Variants in A4GNT observed in about 807,000 individuals in gnomAD.
A4GNT encodes the protein alpha-1,4-N-acetylglucosaminyltransferase.
A4GNT carries 6 observed loss-of-function variants against 8.3 expected under a neutral mutation model. That is an observed-to-expected ratio of 0.72 (90% confidence interval 0.39 to 1.42). The LOEUF is 1.42. Ranked by LOEUF, A4GNT falls within the 40% of genes most tolerant of loss-of-function variation. The pLI is 0.02. For missense variants in A4GNT, 377 were observed against 417.0 expected (o/e 0.90, Z 0.84); for synonymous variants, 157 against 159.8 (o/e 0.98, Z 0.13).
At chr3:138,130,766 T>C (rs2042771096) in intron 2 of A4GNT, 83 bp downstream of exon 2, 2 of 1,480,904 alleles carry the variant, frequency 1.4e-6, no homozygotes, top group Non-Finnish European at 1.8e-6. Context: ...GTGGGTTCTA[T>C]TCCCATCTCC....
At chr3:138,126,386 T>G (rs1210095379) in intron 2 of A4GNT, among the ~76,000 whole-genome samples, 4 of 151,462 alleles carry the variant, frequency 2.6e-5, no homozygotes, top group African/African-American at 9.7e-5. Flanking sequence ...TTTGTTTGTT[T>G]GTTTTTTAAT....
At position 138,132,022 on chromosome 3, in the gene A4GNT, G is replaced by A. The variant is rs1329955704; in HGVS notation, c.-27+190C>T. Among the ~76,000 whole-genome samples, 3 of 152,078 alleles carry A rather than the reference G, an allele frequency of 2.0e-5. No homozygotes were observed. In the South Asian group the frequency reaches 6.2e-4, roughly 32 times the overall value. The stretch of plus-strand genomic sequence containing the variant: ...ATTTCTACTACGAATATTAAAAGAG[G>A]CAAAAGTATCTCTAGGTTCAGAAAA... On this transcript the variant is annotated intron_variant, in intron 1 of 2. Coordinates refer to ENST00000236709, the MANE Select transcript of A4GNT (RefSeq NM_016161.3).
At position 138,124,459 on chromosome 3, in the gene A4GNT, A is replaced by C; in HGVS notation, c.828T>G (p.Asp276Glu). 1 of 1,614,190 alleles carries C rather than the reference A, an allele frequency of 6.2e-7. No individual in the cohort carries two copies. Among genetic ancestry groups the C allele is most frequent in the Non-Finnish European group, 8.5e-7 (1 of 1,180,030 alleles). Residue 276 changes from aspartate to glutamate, a missense_variant, in exon 3 of 3, where the codon GAT (aspartate) becomes GAG (glutamate). Coordinates refer to ENST00000236709, the MANE Select transcript of A4GNT (RefSeq NM_016161.3). The part of the protein sequence containing the change: ...REWRRYYEVW[D>E]TEPSFNVSYA... ...AAGAGACATTGAAGCTTGGCTCTGT[A>C]TCCCACACTTCATAGTAGCGCCTCC...
intron 1 of A4GNT, among the ~76,000 whole-genome samples, chr3:138,131,773 A>G (rs1004638423): frequency 6.6e-6 from 1 of 152,194 alleles, no homozygotes; most frequent in Non-Finnish European, 1.5e-5. Context: ...AATGTGACTA[A>G]CTTTAAGATC....
At position 138,124,754 on chromosome 3, in the gene A4GNT, T is replaced by A; in HGVS notation, c.533A>T (p.Glu178Val). ...TDVISIRPIP[E>V]ENFLAAQASR... The stretch of plus-strand genomic sequence containing the variant: ...AGCCTGCGCAGCCAAAAAGTTCTCC[T>A]CAGGGATGGGCCTGATGGAGATGAC... The change falls in exon 3 of 3, where the codon GAG (glutamate) becomes GTG (valine). Residue 178 changes from glutamate (E) to valine (V), a missense_variant. By Grantham distance (121) the Glu-to-Val change is moderately radical. Coordinates refer to ENST00000236709, the MANE Select transcript of A4GNT (RefSeq NM_016161.3). The A allele has an allele frequency of 1.2e-6, 2 of 1,614,162 alleles. No homozygotes were observed. The highest frequency in any genetic ancestry group is 1.7e-6 in the Non-Finnish European group (2 of 1,180,028).
Position 138,131,001 on chromosome 3 carries a change from A to G in A4GNT, c.256T>C (p.Phe86Leu). 3 of 1,614,164 alleles carry G rather than the reference A, an allele frequency of 1.9e-6. No homozygotes were observed. Among genetic ancestry groups the G allele is most frequent in the Non-Finnish European group, 2.5e-6 (3 of 1,180,014 alleles). ...KIYPEWPVVF[F>L]MKGLTDSTPM... ...GTGGAATCAGTAAGACCCTTCATAA[A>G]GAACACCACAGGCCACTCAGGATAA... Residue 86 changes from phenylalanine (F) to leucine (L), a missense_variant, in exon 2 of 3, where the codon TTT (phenylalanine) becomes CTT (leucine). Phe to Leu is a conservative substitution (Grantham distance 22). Transcript: ENST00000236709.
chr3:138,132,080 A>C (rs1324376224), intron 1 of A4GNT, 132 bp downstream of exon 1: 1 of 152,232 alleles, frequency 6.6e-6, no homozygotes, highest in Non-Finnish European at 1.5e-5. Context: ...CTAAGAAAAA[A>C]AATTAACAAA....
rs1052933001 is a variant in A4GNT at position 138,124,490 on chromosome 3, C to T, written c.797G>A (p.Arg266Gln). Residue 266 changes from arginine (R) to glutamine (Q), a missense_variant, in exon 3 of 3, where the codon CGA becomes CAA. Coordinates refer to ENST00000236709, the MANE Select transcript of A4GNT (RefSeq NM_016161.3). ...HPQRFYPISYREWRRYYEVWD... is the reference protein window; with the variant it reads ...HPQRFYPISYQEWRRYYEVWD... ...CACTTCATAGTAGCGCCTCCACTCT[C>T]GATAGGAGATGGGGTAAAATCTTTG... is the stretch of plus-strand genomic sequence containing the variant. 7 of 1,614,072 alleles carry T rather than the reference C, an allele frequency of 4.3e-6. No homozygotes were observed. In the African/African-American group the frequency reaches 5.3e-5, roughly 12 times the overall value.
chr3:138,130,810 T>C (rs897278832), intron 2 of A4GNT, 39 bp downstream of exon 2: 2 of 1,595,726 alleles, frequency 1.3e-6, no homozygotes, highest in Non-Finnish European at 8.5e-7. Context: ...TACCCATATA[T>C]ACAATTCGTT....
intron 2 of A4GNT, among the ~76,000 whole-genome samples, chr3:138,129,216 C>T (rs1000455624): frequency 6.6e-6 from 1 of 152,150 alleles, no homozygotes; most frequent in African/African-American, 2.4e-5. Flanking sequence ...GTCCTAATTC[C>T]TGGAACCTGT....
Position 138,124,136 on chromosome 3 carries a change from A to G in A4GNT, c.*128T>C, listed in dbSNP as rs2042729998. ...TTTCTATTACAGACAGAGAAAGCTA[A>G]TCCTAACTGACATTTGAGAGGCAAC... On this transcript the variant is annotated 3_prime_UTR_variant, in exon 3 of 3. Coordinates refer to ENST00000236709, the MANE Select transcript of A4GNT (RefSeq NM_016161.3). 1.5e-6 allele frequency: 2 copies of G among 1,292,082 alleles called. No individual in the cohort carries two copies. The highest frequency in any genetic ancestry group is 4.7e-5 in the East Asian group (2 of 42,914). The allele number at this position is 1,292,082 out of a possible 1,614,324, so 80.0% of individuals were successfully genotyped here. A position where few individuals can be genotyped will look rare whatever the true frequency, so the allele number is the denominator to read the frequency against.
chr3:138,125,028 C>T (rs1329744629), intron 2 of A4GNT, 150 bp from the exon 3 acceptor site: 2 of 990,586 alleles, frequency 2.0e-6, no homozygotes, highest in Non-Finnish European at 2.9e-6. Flanking sequence ...TGCAAGTTTA[C>T]CAAACTTACC....
rs1451588486 is a variant in A4GNT at position 138,123,958 on chromosome 3, T to C, written c.*306A>G. 1.9e-5 allele frequency: 6 copies of C among 322,140 alleles called. No individual in the cohort carries two copies. Among genetic ancestry groups the C allele is most frequent in the African/African-American group, 1.3e-4 (6 of 47,324 alleles). The allele number at this position is 322,140 out of a possible 1,614,324, so 20.0% of individuals were successfully genotyped here. On this transcript the variant is annotated 3_prime_UTR_variant, in exon 3 of 3. Transcript: ENST00000236709. ...CAGTGCAATGTAAGAGAAAGTGTTA[T>C]ACGGTACTTGCAGGAAGTCTTCACA... is the stretch of plus-strand genomic sequence containing the variant.
intron 1 of A4GNT, among the ~76,000 whole-genome samples, chr3:138,131,636 C>G (rs1478405924): frequency 6.6e-6 from 1 of 151,962 alleles, no homozygotes; most frequent in Non-Finnish European, 1.5e-5. Context: ...CAGGATTTAT[C>G]TTAGATTTTA....
chr3:138,131,371 A>C, intron 1 of A4GNT, 89 bp from the exon 2 acceptor site: 1 of 1,087,676 alleles, frequency 9.2e-7, no homozygotes, highest in Non-Finnish European at 1.2e-6. Flanking sequence ...TATCATTTAA[A>C]AACTTAAATT....
rs267599622 is a variant in A4GNT, at chr3:138,124,782, C to T, written c.505G>A (p.Asp169Asn). The T allele has an allele frequency of 1.4e-5, 22 of 1,614,164 alleles. No homozygotes were observed. The highest frequency in any genetic ancestry group is 5.5e-5 in the South Asian group (5 of 91,084). ...GGGATGGGCCTGATGGAGATGACAT[C>T]GGTGTCCATGTAGATGCCACCGTAT... ...WKYGGIYMDT[D>N]VISIRPIPEE... The change falls in exon 3 of 3, where the codon GAT becomes AAT. Residue 169 changes from aspartate (D) to asparagine (N), a missense_variant. Physicochemically the swap from Asp to Asn is conservative, Grantham distance 23. Coordinates refer to ENST00000236709, the MANE Select transcript of A4GNT (RefSeq NM_016161.3).
Position 138,131,078 on chromosome 3 carries a change from C to T in A4GNT, c.179G>A (p.Arg60Lys), listed in dbSNP as rs1462091185. Residue 60 changes from arginine to lysine, a missense_variant, in exon 2 of 3, where the codon AGA becomes AAA. Coordinates refer to ENST00000236709, the MANE Select transcript of A4GNT (RefSeq NM_016161.3). Reference sequence around the variant, plus strand: ...GGAGACCAAATGGGGTGGCTCCATTCTCTCTGAGGTCTCTAGAAACACAAT... The same window carrying T: ...GGAGACCAAATGGGGTGGCTCCATTTTCTCTGAGGTCTCTAGAAACACAAT... ...RGIVFLETSE[R>K]MEPPHLVSCS... The T allele has an allele frequency of 1.9e-6, 3 of 1,613,470 alleles. No individual in the cohort carries two copies. Among genetic ancestry groups the T allele is most frequent in the African/African-American group, 1.3e-5 (1 of 74,878 alleles).
intron 1 of A4GNT, among the ~76,000 whole-genome samples, chr3:138,131,659 A>G (rs2107889047): frequency 6.6e-6 from 1 of 152,380 alleles, no homozygotes; most frequent in South Asian, 2.1e-4. Context: ...ATGATTTGAC[A>G]TTAAAAATAA....
At chr3:138,127,399 C>T (rs886256262) in intron 2 of A4GNT, among the ~76,000 whole-genome samples, 7 of 151,612 alleles carry the variant, frequency 4.6e-5, no homozygotes, top group Non-Finnish European at 1.0e-4. Context: ...CATGGTGAAA[C>T]CCCATCTCTA....
Sources: allele counts gnomAD v4.1 joint callset (sites outside exome capture counted in the v4.1 genomes callset), GRCh38; gene constraint gnomAD v4.1.1; transcripts MANE v1.5; gene names NCBI Gene and HGNC (gene_info 2026-07-23, HGNC 2026-07-21).